BLOC1S3: variants seen among roughly 807,000 people sequenced by gnomAD.
BLOC1S3 encodes the protein biogenesis of lysosome-related organelles complex 1 subunit 3.
In BLOC1S3, 7 loss-of-function variants were observed where a neutral mutation model predicts 9.1. The observed-to-expected ratio is 0.77, with a 90% CI of 0.44 to 1.45. The LOEUF is 1.45. Ranked by LOEUF, BLOC1S3 falls within the 40% of genes most tolerant of loss-of-function variation. The pLI is 0.01. For missense variants in BLOC1S3, 307 were observed against 315.2 expected (o/e 0.97, Z 0.20); for synonymous variants, 145 against 158.4 (o/e 0.92, Z 0.64).
intron 3 of BLOC1S3, among the ~76,000 whole-genome samples, chr19:45,204,358 T>A (rs937244512): frequency 6.6e-6 from 1 of 151,710 alleles, no homozygotes; most frequent in African/African-American, 2.4e-5. Context: ...CCCCAGCTAA[T>A]TTTTTTGTAT....
intron 2 of BLOC1S3, among the ~76,000 whole-genome samples, chr19:45,190,150 C>T (rs1969594051): frequency 6.6e-6 from 1 of 151,644 alleles, no homozygotes; most frequent in South Asian, 2.1e-4. Context: ...CATGCCCAGC[C>T]ACTAATTTTT....
At chr19:45,195,567 C>CTCCCTCCCTCCCTCCCTCCT (rs1969641469) in intron 2 of BLOC1S3, among the ~76,000 whole-genome samples, 1 of 130,034 alleles carries the variant, frequency 7.7e-6, no homozygotes, top group African/African-American at 2.9e-5. Context: ...CCTTCCCTCC[C>CTCCCTCCCTCCCTCCCTCCT]TCCCTCCCTC....
At position 45,181,515 on chromosome 19, in the gene BLOC1S3, C is replaced by T. The variant is rs1160613431; in HGVS notation, c.*1610C>T. Reference sequence around the variant, plus strand: ...GATGACAGCACTTTGCAGATAAGAACGATATGATGTGTGGATTTCACTACA... The same window carrying T: ...GATGACAGCACTTTGCAGATAAGAATGATATGATGTGTGGATTTCACTACA... On this transcript the variant is annotated 3_prime_UTR_variant, in exon 2 of 2. Transcript: ENST00000433642. 1 of 167,074 alleles carries T rather than the reference C, an allele frequency of 6.0e-6. No homozygotes were observed. Among genetic ancestry groups the T allele is most frequent in the African/African-American group, 2.4e-5 (1 of 41,436 alleles). 10.3% of individuals were successfully genotyped at this position (167,074 alleles called of 1,614,324 possible).
At chr19:45,212,418 T>C (rs1969783261) in intron 3 of BLOC1S3, among the ~76,000 whole-genome samples, 1 of 152,026 alleles carries the variant, frequency 6.6e-6, no homozygotes, top group African/African-American at 2.4e-5. Context: ...CGTTCCTTAA[T>C]ACATTGGATT....
chr19:45,182,718 A>G (rs1484759664), downstream of BLOC1S3, among the ~76,000 whole-genome samples: 1 of 152,148 alleles, frequency 6.6e-6, no homozygotes, highest in Non-Finnish European at 1.5e-5. Context: ...AGCTCTCACA[A>G]TGTTGCCCAA....
At chr19:45,198,055 A>G (rs181332134) in intron 2 of BLOC1S3, among the ~76,000 whole-genome samples, 1 of 152,068 alleles carries the variant, frequency 6.6e-6, no homozygotes, top group Non-Finnish European at 1.5e-5. Context: ...TTGAGAAGAG[A>G]TAAACAGGAG....
intron 3 of BLOC1S3, among the ~76,000 whole-genome samples, chr19:45,205,759 A>T (rs76944411): frequency 0.011 from 1,663 of 152,324 alleles, 36 homozygotes; most frequent in African/African-American, 0.037. Context: ...AACAACTAGT[A>T]TCCAGATATT....
chr19:45,210,732 C>G (rs1050285938), intron 3 of BLOC1S3, among the ~76,000 whole-genome samples: 22 of 152,182 alleles, frequency 1.4e-4, no homozygotes, highest in African/African-American at 5.3e-4. Flanking sequence ...GTGTCCCAAA[C>G]TGCTGTGTGA....
At chr19:45,207,978 T>C (rs919023415) in intron 3 of BLOC1S3, among the ~76,000 whole-genome samples, 5 of 130,742 alleles carry the variant, frequency 3.8e-5, no homozygotes, top group African/African-American at 6.2e-5. Flanking sequence ...CACCATGTAC[T>C]TTTTTTTTTT....
rs189166185 is a variant in BLOC1S3 at position 45,203,507 on chromosome 19, C to T, written n.282+1000C>T. Among the ~76,000 whole-genome samples, 136 of 152,178 alleles carry T rather than the reference C, an allele frequency of 8.9e-4. 1 individual carries two copies. The highest frequency in any genetic ancestry group is 1.5e-3 in the Non-Finnish European group (105 of 68,010). On this transcript the variant is annotated intron_variant and non_coding_transcript_variant, in intron 3 of 3. Transcript: ENST00000591569. ...GAGGCTGGTCTCGAACTCCTGACCT[C>T]GTGATCCGCCTGCCTAAGCTTCCCA...
chr19:45,196,867 C>T (rs1365055474), intron 2 of BLOC1S3, among the ~76,000 whole-genome samples: 2 of 150,976 alleles, frequency 1.3e-5, no homozygotes, highest in Non-Finnish European at 2.9e-5. Flanking sequence ...GGCCACTGCA[C>T]TCCAGCCTGG....
intron 3 of BLOC1S3, among the ~76,000 whole-genome samples, chr19:45,203,721 G>A (rs952940801): frequency 6.6e-6 from 1 of 152,102 alleles, no homozygotes; most frequent in African/African-American, 2.4e-5. Flanking sequence ...TCTGCCCCAT[G>A]GTGCTTTCCA....
chr19:45,207,018 A>G (rs7249082), intron 3 of BLOC1S3, among the ~76,000 whole-genome samples: 40,292 of 151,424 alleles, frequency 0.27, 6,404 homozygotes, highest in African/African-American at 0.42. Flanking sequence ...ATTTGTTTTA[A>G]TAGAGATAGG....
intron 3 of BLOC1S3, among the ~76,000 whole-genome samples, chr19:45,204,608 C>T (rs559655720): frequency 1.2e-4 from 18 of 152,322 alleles, no homozygotes; most frequent in Non-Finnish European, 2.6e-4. Flanking sequence ...TCTTACATGT[C>T]TGACATCTCA....
intron 2 of BLOC1S3, among the ~76,000 whole-genome samples, chr19:45,198,213 T>G (rs1416146972): frequency 2.0e-5 from 3 of 152,144 alleles, no homozygotes; most frequent in African/African-American, 7.2e-5. Flanking sequence ...GTGCTAAACT[T>G]CTTTCTTCCA....
intron 2 of BLOC1S3, among the ~76,000 whole-genome samples, chr19:45,191,189 C>G (rs1335294023): frequency 2.0e-5 from 3 of 151,958 alleles, no homozygotes; most frequent in African/African-American, 7.3e-5. Flanking sequence ...ATGGCACGAT[C>G]TCGGCTCACC....
chr19:45,190,711 C>G (rs1969597904), intron 2 of BLOC1S3, among the ~76,000 whole-genome samples: 1 of 151,406 alleles, frequency 6.6e-6, no homozygotes, highest in African/African-American at 2.4e-5. Flanking sequence ...CCCAGAACAG[C>G]TAATCAATTA....
chr19:45,211,871 C>G (rs1969774679), intron 3 of BLOC1S3, among the ~76,000 whole-genome samples: 1 of 152,088 alleles, frequency 6.6e-6, no homozygotes, highest in South Asian at 2.1e-4. Flanking sequence ...GCTGTCCAGC[C>G]CAGGCCGGAG....
intron 3 of BLOC1S3, among the ~76,000 whole-genome samples, chr19:45,209,381 G>C (rs1005855684): frequency 6.6e-6 from 1 of 151,912 alleles, no homozygotes; most frequent in African/African-American, 2.4e-5. Context: ...TTGTATACTT[G>C]AAAATTTCGA....
Sources: gnomAD v4.1 joint callset for allele counts (sites outside exome capture counted in the v4.1 genomes callset) on GRCh38, gnomAD v4.1.1 for gene constraint, MANE v1.5 for transcripts, NCBI Gene and HGNC (gene_info 2026-07-23, HGNC 2026-07-21) for gene names.